The following PLCXD3 variants were observed in gnomAD, a reference collection of about 807,000 sequenced individuals.
PLCXD3 encodes phosphatidylinositol specific phospholipase C X domain containing 3.
PLCXD3 carries 19 observed loss-of-function variants against 25.5 expected under a neutral mutation model. The ratio of observed to expected loss-of-function variants is 0.75; its 90% CI spans 0.52 to 1.09. The LOEUF (loss-of-function observed/expected upper bound fraction) is 1.09. PLCXD3 is among the 50% of genes least tolerant of loss of function. The pLI is 0.00. For missense variants in PLCXD3, 411 were observed against 388.1 expected (o/e 1.06, Z -0.50); for synonymous variants, 174 against 137.6 (o/e 1.26, Z -1.85).
intron 1 of PLCXD3, among the ~76,000 whole-genome samples, chr5:41,435,467 C>G (rs1171074664): frequency 6.6e-6 from 1 of 152,178 alleles, no homozygotes; most frequent in Non-Finnish European, 1.5e-5. Context: ...CCCACATGGA[C>G]ACTGGCAGCT....
In PLCXD3 at chr5:41,311,599, T is replaced by C. The variant is rs2150465866; in HGVS notation, c.*2018A>G. On this transcript the variant is annotated 3_prime_UTR_variant, in exon 3 of 3. Coordinates refer to ENST00000377801, the MANE Select transcript of PLCXD3 (RefSeq NM_001005473.3). ...AATGGGCATATGTTTGTATATTGTATATGGCAAGATGTATACACACAACCC... is the reference window on the plus strand; with the variant it reads ...AATGGGCATATGTTTGTATATTGTACATGGCAAGATGTATACACACAACCC... 1.3e-5 allele frequency: 2 copies of C among 152,308 alleles called. No homozygotes were observed. The highest frequency in any genetic ancestry group is 2.9e-5 in the Non-Finnish European group (2 of 68,018). 9.4% of individuals were successfully genotyped at this position (152,308 alleles called of 1,614,324 possible).
intron 1 of PLCXD3, among the ~76,000 whole-genome samples, chr5:41,406,727 T>G (rs1746362383): frequency 6.6e-6 from 1 of 152,178 alleles, no homozygotes; most frequent in Admixed American, 6.6e-5. Context: ...TTCAATCCTC[T>G]GTAGCTTTCC....
chr5:41,424,808 T>A (rs914687761), intron 1 of PLCXD3, among the ~76,000 whole-genome samples: 1 of 152,212 alleles, frequency 6.6e-6, no homozygotes, highest in Non-Finnish European at 1.5e-5. Context: ...TAAATATGCT[T>A]CAAGTGTTTT....
At chr5:41,406,405 G>A (rs1169537001) in intron 1 of PLCXD3, among the ~76,000 whole-genome samples, 2 of 152,098 alleles carry the variant, frequency 1.3e-5, no homozygotes, top group Non-Finnish European at 2.9e-5. Flanking sequence ...GTTACTATAA[G>A]CTTACATGTC....
intron 1 of PLCXD3, among the ~76,000 whole-genome samples, chr5:41,412,069 C>T (rs1182672413): frequency 6.6e-6 from 1 of 151,766 alleles, no homozygotes; most frequent in Non-Finnish European, 1.5e-5. Context: ...AATTGTTTTA[C>T]TTCTTAAGGA....
At chr5:41,460,334 C>A (rs1747847228) in intron 1 of PLCXD3, among the ~76,000 whole-genome samples, 1 of 151,938 alleles carries the variant, frequency 6.6e-6, no homozygotes, top group Non-Finnish European at 1.5e-5. Context: ...CATGTATAAA[C>A]AGAGGTGCTT....
chr5:41,461,068 G>A (rs532713782), intron 1 of PLCXD3, among the ~76,000 whole-genome samples: 42 of 151,864 alleles, frequency 2.8e-4, no homozygotes, highest in African/African-American at 9.9e-4. Context: ...GACTACATGT[G>A]GAAAATAGAA....
intron 2 of PLCXD3, among the ~76,000 whole-genome samples, chr5:41,380,140 G>T (rs1189831020): frequency 6.6e-6 from 1 of 151,778 alleles, no homozygotes; most frequent in East Asian, 1.9e-4. Context: ...CTACCTGAAT[G>T]CCTTACTCAT....
intron 2 of PLCXD3, among the ~76,000 whole-genome samples, chr5:41,376,632 C>A (rs746683337): frequency 1.1e-4 from 17 of 152,132 alleles, no homozygotes; most frequent in Non-Finnish European, 2.2e-4. Context: ...CTATCCATCT[C>A]TGCCTATCCC....
intron 1 of PLCXD3, among the ~76,000 whole-genome samples, chr5:41,483,745 T>A (rs1469341361): frequency 6.6e-6 from 1 of 152,122 alleles, no homozygotes; most frequent in Non-Finnish European, 1.5e-5. Flanking sequence ...AAAAAACAAA[T>A]GTTTAAAAAA....
intron 1 of PLCXD3, among the ~76,000 whole-genome samples, chr5:41,454,140 T>A (rs1747698740): frequency 2.0e-5 from 3 of 151,948 alleles, no homozygotes; most frequent in Non-Finnish European, 1.5e-5. Context: ...TAATGTCCAT[T>A]CACAACCTCA....
intron 1 of PLCXD3, among the ~76,000 whole-genome samples, chr5:41,404,368 A>T (rs1014020583): frequency 1.1e-4 from 17 of 152,122 alleles, no homozygotes; most frequent in African/African-American, 3.9e-4. Flanking sequence ...TTATTTTCTT[A>T]TGGTATAACT....
chr5:41,452,929 G>A (rs755861743), intron 1 of PLCXD3, among the ~76,000 whole-genome samples: 14 of 151,830 alleles, frequency 9.2e-5, no homozygotes, highest in Non-Finnish European at 1.9e-4. Context: ...ACAATGTGAT[G>A]TTTTAAAATA....
intron 1 of PLCXD3, among the ~76,000 whole-genome samples, chr5:41,392,964 A>T (rs1031813815): frequency 7.9e-5 from 12 of 152,186 alleles, no homozygotes; most frequent in African/African-American, 2.7e-4. Context: ...GAATTAATCA[A>T]GCAGAATAAA....
intron 2 of PLCXD3, among the ~76,000 whole-genome samples, chr5:41,341,490 C>T (rs968249225): frequency 6.6e-6 from 1 of 152,122 alleles, no homozygotes; most frequent in Admixed American, 6.6e-5. Context: ...TTTCAAAGTG[C>T]CCTACAAATT....
chr5:41,388,893 C>T (rs886526548), intron 1 of PLCXD3, among the ~76,000 whole-genome samples: 1 of 151,558 alleles, frequency 6.6e-6, no homozygotes, highest in African/African-American at 2.4e-5. Context: ...AATAACACTA[C>T]AGTAGGAAAT....
chr5:41,440,215 A>ATTTTTGTTTTTTT (rs1747350266), intron 1 of PLCXD3, among the ~76,000 whole-genome samples: 1 of 41,062 alleles, frequency 2.4e-5, no homozygotes, highest in African/African-American at 1.0e-4. Context: ...TAATCTCTCA[A>ATTTTTGTTTTTTT]TTTTTTTTTT....
At chr5:41,379,832 A>T (rs1163768223) in intron 2 of PLCXD3, among the ~76,000 whole-genome samples, 1 of 152,108 alleles carries the variant, frequency 6.6e-6, no homozygotes, top group Non-Finnish European at 1.5e-5. Flanking sequence ...CCATAAAATG[A>T]TATAATCCAG....
At chr5:41,352,319 T>C (rs1037957058) in intron 2 of PLCXD3, among the ~76,000 whole-genome samples, 5 of 152,202 alleles carry the variant, frequency 3.3e-5, no homozygotes, top group African/African-American at 1.2e-4. Flanking sequence ...TATAGTATTC[T>C]TTCTGCCTCA....
Sources: allele counts gnomAD v4.1 joint callset (sites outside exome capture counted in the v4.1 genomes callset), GRCh38; gene constraint gnomAD v4.1.1; transcripts MANE v1.5; gene names NCBI Gene and HGNC (gene_info 2026-07-23, HGNC 2026-07-21).